The following LDLRAD4 variants were observed in gnomAD, a reference collection of about 807,000 sequenced individuals.
LDLRAD4 encodes low-density lipoprotein receptor class A domain-containing protein 4.
In LDLRAD4, 5 loss-of-function variants were observed where a neutral mutation model predicts 17.0. The ratio of observed to expected loss-of-function variants is 0.29; its 90% CI spans 0.15 to 0.62. LDLRAD4 has a LOEUF of 0.62. Among genes scored for constraint, LDLRAD4 ranks in the 20% least tolerant of loss-of-function variants. The pLI, the probability that LDLRAD4 is intolerant of heterozygous loss-of-function variation, is 0.84. For synonymous variants in LDLRAD4, 168 were observed against 171.8 expected, an observed-to-expected ratio of 0.98 and a Z score of 0.17; for missense variants, 340 against 424.7, an observed-to-expected ratio of 0.80 and a Z score of 1.75.
chr18:13,545,646 T>G (rs556753248), intron 3 of LDLRAD4, among the ~76,000 whole-genome samples: 1 of 152,288 alleles, frequency 6.6e-6, no homozygotes, highest in East Asian at 1.9e-4. Context: ...TGCGGTTTCT[T>G]AGCTGCAAAC....
chr18:13,438,523 CT>C, intron 3 of LDLRAD4, 139 bp downstream of exon 4: 1 of 721,560 alleles, frequency 1.4e-6, no homozygotes, highest in Non-Finnish European at 2.3e-6. Flanking sequence ...GAAATGTTTT[CT>C]TCTTTTAGGA....
chr18:13,474,328 G>T (rs1336226904), intron 3 of LDLRAD4, among the ~76,000 whole-genome samples: 1 of 152,172 alleles, frequency 6.6e-6, no homozygotes, highest in Non-Finnish European at 1.5e-5. Flanking sequence ...CCCAGCCCCT[G>T]CAGCCCTTGG....
chr18:13,447,297 C>T lies in LDLRAD4; in HGVS notation c.181+8913C>T, dbSNP rs532543717. Among the ~76,000 whole-genome samples the T allele has an allele frequency of 5.7e-4, 87 of 152,328 alleles. No homozygotes were observed. In the South Asian group the frequency reaches 6.0e-3, roughly 11 times the overall value. ...CACTGGCAACACGCTTCTGCCTGAACGGTTCTGTGGGATGAGCCCCAGGGA... is the reference window on the plus strand; with the variant it reads ...CACTGGCAACACGCTTCTGCCTGAATGGTTCTGTGGGATGAGCCCCAGGGA... On this transcript the variant is annotated intron_variant, in intron 3 of 5. Coordinates refer to ENST00000359446, the Ensembl canonical transcript of LDLRAD4.
chr18:13,542,184 T>C (rs979991136), intron 3 of LDLRAD4: 2 of 152,256 alleles, frequency 1.3e-5, no homozygotes, highest in Admixed American at 6.5e-5. Context: ...AATCAGTTCA[T>C]GGTTTAAAAA....
chr18:13,456,477 T>G (rs1480024243), intron 3 of LDLRAD4, among the ~76,000 whole-genome samples: 3 of 152,218 alleles, frequency 2.0e-5, no homozygotes, highest in Non-Finnish European at 4.4e-5. Flanking sequence ...CCTTTCTTTC[T>G]CTTTCTATGA....
At chr18:13,500,328 C>G (rs1036867270) in intron 3 of LDLRAD4, among the ~76,000 whole-genome samples, 4 of 152,170 alleles carry the variant, frequency 2.6e-5, no homozygotes, top group African/African-American at 9.7e-5. Flanking sequence ...CTCCTCTGCC[C>G]GTGGGGCTGT....
At chr18:13,546,306 C>T (rs1279118352) in intron 3 of LDLRAD4, among the ~76,000 whole-genome samples, 2 of 152,208 alleles carry the variant, frequency 1.3e-5, no homozygotes, top group South Asian at 2.1e-4. Context: ...AACTGCTGCT[C>T]GGGAGTAATT....
rs4796978 is a variant in LDLRAD4 at position 13,423,892 on chromosome 18, T to C, written c.41-14352T>C. 6.0e-3 allele frequency among the ~76,000 whole-genome samples: 911 copies of C among 152,340 alleles called. 20 individuals carry two copies. Among genetic ancestry groups the C allele is most frequent in the Admixed American group, 0.044 (674 of 15,304 alleles). On this transcript the variant is annotated intron_variant, in intron 2 of 5. Transcript: ENST00000359446. ...GCTCATGCGTGTAATCCCAGCACTT[T>C]GGGAGACGAAGGCAGGTGGATCTCC...
chr18:13,405,009 G>T (rs1328849562), intron 2 of LDLRAD4, among the ~76,000 whole-genome samples: 4 of 152,030 alleles, frequency 2.6e-5, no homozygotes, highest in Non-Finnish European at 5.9e-5. Flanking sequence ...TGTGACCTCT[G>T]TGAACCCTGA....
chr18:13,290,341 A>G (rs1404538857), intron 1 of LDLRAD4, among the ~76,000 whole-genome samples: 1 of 152,242 alleles, frequency 6.6e-6, no homozygotes, highest in African/African-American at 2.4e-5. Context: ...CAGAGTTTGT[A>G]GCAGCCTCCT....
intron 3 of LDLRAD4, among the ~76,000 whole-genome samples, chr18:13,551,936 A>G (rs1439475434): frequency 6.6e-6 from 1 of 152,114 alleles, no homozygotes; most frequent in Non-Finnish European, 1.5e-5. Context: ...GGCAAAGGGG[A>G]GCCAGTGTGT....
exon 6 of LDLRAD4, chr18:13,649,822 G>A (rs1011625871): frequency 5.1e-6 from 2 of 390,606 alleles, no homozygotes; most frequent in African/African-American, 4.1e-5. Flanking sequence ...GCCAGTGCTT[G>A]GAGCCAAGCC....
At chr18:13,315,210 G>T (rs1480188864) in intron 1 of LDLRAD4, among the ~76,000 whole-genome samples, 1 of 152,206 alleles carries the variant, frequency 6.6e-6, no homozygotes, top group Non-Finnish European at 1.5e-5. Context: ...AGAGGATTAT[G>T]GCACCCTGCC....
At chr18:13,274,101 C>T (rs187965525), upstream of LDLRAD4, among the ~76,000 whole-genome samples, 84 of 152,324 alleles carry the variant, frequency 5.5e-4, no homozygotes, top group South Asian at 1.9e-3. Context: ...TGGCTCTCCT[C>T]GGTGGCTTCC....
At chr18:13,637,596 T>A (rs556478582) in intron 4 of LDLRAD4, among the ~76,000 whole-genome samples, 2 of 152,290 alleles carry the variant, frequency 1.3e-5, no homozygotes, top group South Asian at 4.2e-4. Context: ...CTGGGCGTGG[T>A]GGCTCAGGCC....
intron 2 of LDLRAD4, among the ~76,000 whole-genome samples, chr18:13,408,598 G>A (rs1259874587): frequency 4.6e-5 from 7 of 151,730 alleles, no homozygotes; most frequent in Non-Finnish European, 5.9e-5. Context: ...TCAGCCTCCC[G>A]AGTAGCTGGG....
At chr18:13,484,410 C>T (rs1388141199) in intron 3 of LDLRAD4, among the ~76,000 whole-genome samples, 2 of 152,124 alleles carry the variant, frequency 1.3e-5, no homozygotes, top group African/African-American at 4.8e-5. Context: ...TGAGACCATC[C>T]TGAGTAACAT....
intron 1 of LDLRAD4, among the ~76,000 whole-genome samples, chr18:13,382,266 T>C (rs2085426656): frequency 1.3e-5 from 2 of 152,230 alleles, no homozygotes; most frequent in Non-Finnish European, 2.9e-5. Flanking sequence ...CTGAACCCCA[T>C]GTATCTGTTT....
intron 3 of LDLRAD4, among the ~76,000 whole-genome samples, chr18:13,454,566 A>C (rs1279408480): frequency 6.6e-6 from 1 of 152,160 alleles, no homozygotes; most frequent in Non-Finnish European, 1.5e-5. Flanking sequence ...ACATACACTC[A>C]GTGAGTAGAC....
Sources: allele counts gnomAD v4.1 joint callset (sites outside exome capture counted in the v4.1 genomes callset), GRCh38; gene constraint gnomAD v4.1.1; transcripts MANE v1.5; gene names NCBI Gene and HGNC (gene_info 2026-07-23, HGNC 2026-07-21).